Variants in PPP2R2D observed in about 807,000 individuals in gnomAD.
PPP2R2D encodes the protein protein phosphatase 2 regulatory subunit Bdelta.
In PPP2R2D, 9 loss-of-function variants were observed where a neutral mutation model predicts 31.1. That is an observed-to-expected ratio of 0.29 (90% confidence interval 0.17 to 0.51). The LOEUF is 0.51. Ranked by LOEUF, PPP2R2D falls within the 20% of genes least tolerant of loss-of-function variation. The pLI is 0.98. For synonymous variants in PPP2R2D, 179 were observed against 172.6 expected, an observed-to-expected ratio of 1.04 and a Z score of -0.29; for missense variants, 391 against 465.6, an observed-to-expected ratio of 0.84 and a Z score of 1.48.
chr10:131,970,510 G>A, the PPP2R2D span: 7 of 1,334,494 alleles, frequency 5.2e-6, no homozygotes, highest in Non-Finnish European at 7.1e-6. The surrounding 1 kb of genome is among the most constrained non-coding windows in gnomAD (Gnocchi z 4.1). Flanking sequence ...CTACGTGGGT[G>A]TTTGTGAAAA....
chr10:131,964,955 A>C, the PPP2R2D span, among the ~76,000 whole-genome samples: 1 of 152,054 alleles, frequency 6.6e-6, no homozygotes, highest in African/African-American at 2.4e-5. Context: ...CGGGGTAACC[A>C]ATCTCATTTA....
rs115923155 is a variant in PPP2R2D at position 131,929,805 on chromosome 10, C to T, written c.101-4653C>T. ...ACTGACTCCGTTTCCCCTTCCCCAT[C>T]CACAGCTCCTTAGTCTGCTTCCTCA... On this transcript the variant is annotated intron_variant, in intron 2 of 8. Coordinates refer to ENST00000455566, the MANE Select transcript of PPP2R2D (RefSeq NM_018461.5). 1.4e-3 allele frequency among the ~76,000 whole-genome samples: 210 copies of T among 152,308 alleles called. 1 individual carries two copies. Among genetic ancestry groups the T allele is most frequent in the Middle Eastern group, 6.8e-3 (2 of 294 alleles).
At chr10:131,971,266 G>A in the PPP2R2D span, 9 of 418,608 alleles carry the variant, frequency 2.1e-5, no homozygotes, top group African/African-American at 1.0e-4. Context: ...TACTGACAGC[G>A]GCAAACACTG....
At chr10:131,928,644 G>T (rs913879524) in intron 2 of PPP2R2D, among the ~76,000 whole-genome samples, 2 of 152,222 alleles carry the variant, frequency 1.3e-5, no homozygotes, top group Non-Finnish European at 2.9e-5. Flanking sequence ...TGAAGGCTGC[G>T]GCAACCCTCC....
At chr10:131,934,131 A>G (rs1216573923) in intron 2 of PPP2R2D, among the ~76,000 whole-genome samples, 3 of 151,856 alleles carry the variant, frequency 2.0e-5, no homozygotes, top group South Asian at 2.1e-4. Context: ...TTTTTCCTCT[A>G]TTTTTTTCTT....
chr10:131,969,571 C>G, the PPP2R2D span: 2 of 152,286 alleles, frequency 1.3e-5, no homozygotes, highest in African/African-American at 2.4e-5. Context: ...ACGGGCAGCG[C>G]TCAGGTCCCG....
rs1564822453 is a variant in PPP2R2D, at chr10:131,944,123, A to C, written c.633A>C (p.Leu211Phe). The C allele has an allele frequency of 6.2e-7, 1 of 1,612,316 alleles. No individual in the cohort carries two copies. The highest frequency in any genetic ancestry group is 8.5e-7 in the Non-Finnish European group (1 of 1,179,086). Residue 211 changes from leucine (L) to phenylalanine (F), a missense_variant, in exon 6 of 9, where the codon TTA becomes TTC. Leu to Phe is a conservative substitution (Grantham distance 22, BLOSUM62 0). Transcript: ENST00000455566. ...ACCTGAGAATTAATTTATGGCACTT[A>C]GAAATCACAGATAGAAGCTTTAGTA... is the stretch of plus-strand genomic sequence containing the variant. ...ADDLRINLWH[L>F]EITDRSFNIV...
chr10:131,915,357 T>C (rs536688844), intron 2 of PPP2R2D, among the ~76,000 whole-genome samples: 1 of 152,268 alleles, frequency 6.6e-6, no homozygotes, highest in South Asian at 2.1e-4. Flanking sequence ...TACGGGAGGC[T>C]CCGTTGTTTG....
Position 131,956,059 on chromosome 10 carries a change from G to A in PPP2R2D, c.*96G>A. On this transcript the variant is annotated 3_prime_UTR_variant, in exon 9 of 9. Coordinates refer to ENST00000455566, the MANE Select transcript of PPP2R2D (RefSeq NM_018461.5). ...ATCATTGTCCGCTCCATTAAGAACAGTGACGCACCTGCTACTTCCCTTCAC... is the reference window on the plus strand; with the variant it reads ...ATCATTGTCCGCTCCATTAAGAACAATGACGCACCTGCTACTTCCCTTCAC... 7.7e-7 allele frequency: 1 copy of A among 1,304,900 alleles called. No individual in the cohort carries two copies. The highest frequency in any genetic ancestry group is 9.8e-7 in the Non-Finnish European group (1 of 1,023,504). 80.8% of individuals were successfully genotyped at this position (1,304,900 alleles called of 1,614,324 possible). A position where few individuals can be genotyped will look rare whatever the true frequency, so the allele number is the denominator to read the frequency against.
At chr10:131,939,166 GACCT>G (rs1564820508) in intron 3 of PPP2R2D, among the ~76,000 whole-genome samples, 25 of 58,626 alleles carry the variant, frequency 4.3e-4, no homozygotes, top group East Asian at 7.6e-4. Context: ...GCATTCGGCA[GACCT>G]GCTCCAGAAA....
rs1554899875 is a variant in PPP2R2D at position 131,955,937 on chromosome 10, T to C, written c.1336T>C (p.Tyr446His). ...TGCCGTGGCTGCCACCAATAACTTG[T>C]ACATATTCCAGGACAAAATCAACTA... ...VIAVAATNNL[Y>H]IFQDKIN The change falls in exon 9 of 9, where the codon TAC (tyrosine) becomes CAC (histidine). Residue 446 changes from tyrosine to histidine, a missense_variant. Tyr to His is a moderately conservative substitution (Grantham distance 83, BLOSUM62 2). This residue lies in a region of PPP2R2D where 163 missense variants were observed against 179.5 expected (regional missense o/e 0.91). Coordinates refer to ENST00000455566, the MANE Select transcript of PPP2R2D (RefSeq NM_018461.5). 7 of 1,567,892 alleles carry C rather than the reference T, an allele frequency of 4.5e-6. No individual in the cohort carries two copies. In the Admixed American group the frequency reaches 1.2e-4, roughly 28 times the overall value.
chr10:131,918,432 CAG>C (rs1475535308), intron 2 of PPP2R2D, among the ~76,000 whole-genome samples: 4 of 141,314 alleles, frequency 2.8e-5, no homozygotes, highest in African/African-American at 8.1e-5. Flanking sequence ...TGGAATGACA[CAG>C]TGTTTTTAGG....
chr10:131,948,533 C>T (rs2036582395), intron 8 of PPP2R2D, among the ~76,000 whole-genome samples: 1 of 152,184 alleles, frequency 6.6e-6, no homozygotes. Context: ...GCAGGTGTCT[C>T]TTCAGGTGCA....
At chr10:131,941,205 A>G (rs2036435261) in intron 5 of PPP2R2D, among the ~76,000 whole-genome samples, 1 of 152,156 alleles carries the variant, frequency 6.6e-6, no homozygotes, top group Non-Finnish European at 1.5e-5. Context: ...TACTTTTTTA[A>G]TTGTTAAATT....
chr10:131,968,514 C>T, the PPP2R2D span: 1 of 1,585,970 alleles, frequency 6.3e-7, no homozygotes, highest in Non-Finnish European at 8.7e-7. Flanking sequence ...AGTCAGACTC[C>T]AGTTCTTCAT....
At chr10:131,946,447 A>AT (rs2036543389) in intron 7 of PPP2R2D, among the ~76,000 whole-genome samples, 2 of 151,912 alleles carry the variant, frequency 1.3e-5, no homozygotes, top group African/African-American at 4.8e-5. Flanking sequence ...CGGCGCCCCC[A>AT]GTGCCTCGGT....
At chr10:131,920,443 G>C (rs115083911) in intron 2 of PPP2R2D, among the ~76,000 whole-genome samples, 1 of 152,328 alleles carries the variant, frequency 6.6e-6, no homozygotes, top group African/African-American at 2.4e-5. Flanking sequence ...AGTGTTTGTG[G>C]GGACCTCACG....
chr10:131,955,802 C>T lies in PPP2R2D; in HGVS notation c.1201C>T (p.Arg401Trp), dbSNP rs782438973. 6.9e-6 allele frequency: 11 copies of T among 1,603,980 alleles called. No homozygotes were observed. The highest frequency in any genetic ancestry group is 2.7e-5 in the African/African-American group (2 of 74,502). Residue 401 changes from arginine to tryptophan, a missense_variant, in exon 9 of 9, where the codon CGG becomes TGG. Arg to Trp is a moderately radical substitution (Grantham distance 101). Transcript: ENST00000455566. ...CAAACCGCGCGCCAGCCTCAAACCCCGGAAGGTGTGTACGGGGGGTAAGCG... is the reference window on the plus strand; with the variant it reads ...CAAACCGCGCGCCAGCCTCAAACCCTGGAAGGTGTGTACGGGGGGTAAGCG... ...SSKPRASLKP[R>W]KVCTGGKRRK... is the part of the protein sequence containing the mutation.
At position 131,945,541 on chromosome 10, in the gene PPP2R2D, G is replaced by A; in HGVS notation, c.820+82G>A. The A allele has an allele frequency of 6.8e-7, 1 of 1,478,838 alleles. No homozygotes were observed. The highest frequency in any genetic ancestry group is 9.1e-7 in the Non-Finnish European group (1 of 1,100,826). 91.6% of individuals were successfully genotyped at this position (1,478,838 alleles called of 1,614,324 possible). On this transcript the variant is annotated intron_variant, in intron 7 of 8. Transcript: ENST00000455566. The surrounding 1 kb of genome is among the most constrained non-coding windows in gnomAD (Gnocchi z 4.8). The stretch of plus-strand genomic sequence containing the variant: ...GTGACACAGTCTCGGCTCACGGCAA[G>A]CTCCGCCTCCCGGGTTCCAGCAAGT...
Sources: allele counts gnomAD v4.1 joint callset (sites outside exome capture counted in the v4.1 genomes callset), GRCh38; gene constraint gnomAD v4.1.1; regional missense constraint gnomAD v4.1.1; non-coding constraint Gnocchi (gnomAD v3.1); transcripts MANE v1.5; gene names NCBI Gene and HGNC (gene_info 2026-07-23, HGNC 2026-07-21).